EPHA6: variants seen among roughly 807,000 people sequenced by gnomAD.
EPHA6 encodes the protein EPH receptor A6, also known as ephrin type-A receptor 6.
In EPHA6, 50 loss-of-function variants were observed where a neutral mutation model predicts 112.0. The observed-to-expected ratio is 0.45, with a 90% confidence interval of 0.36 to 0.56. The LOEUF (loss-of-function observed/expected upper bound fraction) is 0.56. Ranked by LOEUF, EPHA6 falls within the 20% of genes least tolerant of loss-of-function variation. The probability of loss-of-function intolerance (pLI) is 0.00; values close to 1 mark genes in which losing one functional copy is unlikely to be tolerated. For missense variants in EPHA6, 1,280 were observed against 1,417.4 expected (o/e 0.90, Z 1.56); for synonymous variants, 529 against 490.7 (o/e 1.08, Z -1.03).
chr3:97,751,447 G>T lies in EPHA6; in HGVS notation c.*2746G>T, dbSNP rs72934127. 3.1e-4 allele frequency among the ~76,000 whole-genome samples: 47 copies of T among 152,064 alleles called. No individual in the cohort carries two copies. The highest frequency in any genetic ancestry group is 1.1e-3 in the African/African-American group (46 of 41,500). The stretch of plus-strand genomic sequence containing the variant: ...AATGGTAAGCATGATAATCTTAAAT[G>T]TAACTTTGAACTTCATTATGGTTAT... On this transcript the variant is annotated 3_prime_UTR_variant, in exon 18 of 18. Transcript: ENST00000389672.
intron 3 of EPHA6, among the ~76,000 whole-genome samples, chr3:97,203,647 A>AAAAAAAC (rs1200758543): frequency 6.6e-6 from 1 of 152,028 alleles, no homozygotes; most frequent in Non-Finnish European, 1.5e-5. Context: ...GGGAAAAAAC[A>AAAAAAAC]AAAAAACAGT....
intron 1 of EPHA6, among the ~76,000 whole-genome samples, chr3:96,818,455 C>T (rs1448244644): frequency 6.6e-6 from 1 of 151,848 alleles, no homozygotes; most frequent in Non-Finnish European, 1.5e-5. Context: ...CGATTTTCCC[C>T]CCAGGCAATT....
intron 6 of EPHA6, among the ~76,000 whole-genome samples, chr3:97,405,936 A>T (rs946407483): frequency 6.6e-6 from 1 of 151,918 alleles, no homozygotes; most frequent in Non-Finnish European, 1.5e-5. Flanking sequence ...TTTTTCTCTC[A>T]TTCCTCACCA....
At chr3:97,633,597 G>A (rs1031188459) in intron 13 of EPHA6, among the ~76,000 whole-genome samples, 1 of 152,022 alleles carries the variant, frequency 6.6e-6, no homozygotes, top group Non-Finnish European at 1.5e-5. Context: ...GCTACATAAA[G>A]GGATAATACT....
Position 97,320,145 on chromosome 3 carries a change from G to A in EPHA6, c.1606+75858G>A, listed in dbSNP as rs1006147907. Among the ~76,000 whole-genome samples, 3 of 151,834 alleles carry A rather than the reference G, an allele frequency of 2.0e-5. No homozygotes were observed. The South Asian group carries it at 6.2e-4, about 32-fold the overall frequency. On this transcript the variant is annotated intron_variant, in intron 5 of 17. Coordinates refer to ENST00000389672, the MANE Select transcript of EPHA6 (RefSeq NM_001080448.3). Reference sequence around the variant, plus strand: ...ACACTGTCAGTATCTATTACTCTCAGTATATAAAATTTTATCTTATTTTAG... The same window carrying A: ...ACACTGTCAGTATCTATTACTCTCAATATATAAAATTTTATCTTATTTTAG...
chr3:97,369,932 T>C (rs550600817), intron 5 of EPHA6, among the ~76,000 whole-genome samples: 46 of 152,286 alleles, frequency 3.0e-4, no homozygotes, highest in African/African-American at 1.0e-3. Flanking sequence ...ATAAAGATGG[T>C]AGCTTTTAAA....
intron 5 of EPHA6, among the ~76,000 whole-genome samples, chr3:97,356,847 T>C (rs1018414669): frequency 2.6e-5 from 4 of 152,140 alleles, no homozygotes; most frequent in Admixed American, 6.5e-5. Flanking sequence ...TTGCCTTTGG[T>C]GTGGTTTTTC....
rs147813358 is a variant in EPHA6, at chr3:97,610,951, G to A, written c.2574+97G>A. On this transcript the variant is annotated intron_variant, in intron 13 of 17. Transcript: ENST00000389672. Reference sequence around the variant, plus strand: ...TTAATTTTTGCATAATGTTATTCATGGATTTTCTGTGAAGAATAGCAGTGT... The same window carrying A: ...TTAATTTTTGCATAATGTTATTCATAGATTTTCTGTGAAGAATAGCAGTGT... 4.3e-4 allele frequency: 443 copies of A among 1,024,836 alleles called. 1 individual carries two copies. The East Asian group carries it at 0.011, about 26-fold the overall frequency. 63.5% of individuals were successfully genotyped at this position (1,024,836 alleles called of 1,614,324 possible).
In EPHA6 at chr3:97,555,087, C is replaced by A. The variant is rs901291016; in HGVS notation, c.2386+22544C>A. Among the ~76,000 whole-genome samples the A allele has an allele frequency of 2.6e-5, 4 of 151,712 alleles. No individual in the cohort carries two copies. The East Asian group carries it at 5.8e-4, about 22-fold the overall frequency. On this transcript the variant is annotated intron_variant, in intron 11 of 17. Coordinates refer to ENST00000389672, the MANE Select transcript of EPHA6 (RefSeq NM_001080448.3). ...TAATGGAATCCCTCCCCCTTCCCCC[C>A]ACCCCACAACAGTCCCCAGAGTGTG...
At chr3:96,856,567 G>C (rs1300761485) in intron 1 of EPHA6, among the ~76,000 whole-genome samples, 1 of 152,110 alleles carries the variant, frequency 6.6e-6, no homozygotes, top group Non-Finnish European at 1.5e-5. Context: ...TTTGCAAATA[G>C]TGTCTTAAAT....
chr3:97,084,975 C>G (rs940337601), intron 3 of EPHA6, among the ~76,000 whole-genome samples: 1 of 152,038 alleles, frequency 6.6e-6, no homozygotes, highest in Admixed American at 6.6e-5. Context: ...ATATTTATTA[C>G]ATAGTTTGAT....
At chr3:97,644,979 A>G (rs1268522032) in intron 14 of EPHA6, among the ~76,000 whole-genome samples, 4 of 151,654 alleles carry the variant, frequency 2.6e-5, no homozygotes, top group Admixed American at 2.6e-4. Context: ...GCAGAGACAC[A>G]ACCAAAAAAG....
At position 96,987,993 on chromosome 3, in the gene EPHA6, G is replaced by T; in HGVS notation, c.1114G>T (p.Ala372Ser). The T allele has an allele frequency of 6.5e-7, 1 of 1,527,438 alleles. No individual in the cohort carries two copies. Among genetic ancestry groups the T allele is most frequent in the South Asian group, 1.3e-5 (1 of 77,106 alleles). The allele number at this position is 1,527,438 out of a possible 1,614,324, so 94.6% of individuals were successfully genotyped here. ...GYEEIEGSCH[A>S]CRPGFYKAFA... is the part of the protein sequence containing the mutation. ...TGAAGAAATTGAGGGTTCTTGCCAT[G>T]GTAAGAAACAAACATTTAAATAATT... Residue 372 changes from alanine (A) to serine (S), a missense_variant and splice_region_variant, in exon 3 of 18, where the codon GCT becomes TCT. By Grantham distance (99) the Ala-to-Ser change is moderately conservative (BLOSUM62 1). Around this residue, in one of 4 missense-constraint regions of EPHA6, gnomAD observed 878 missense variants for 999.7 expected, o/e 0.88. Coordinates refer to ENST00000389672, the MANE Select transcript of EPHA6 (RefSeq NM_001080448.3).
intron 2 of EPHA6, among the ~76,000 whole-genome samples, chr3:96,973,105 A>G (rs2042380502): frequency 1.3e-5 from 2 of 152,206 alleles, no homozygotes; most frequent in Non-Finnish European, 2.9e-5. Context: ...CCCAAAAGGA[A>G]TCTGGTTTTT....
chr3:97,526,894 A>G (rs961252632), intron 10 of EPHA6, among the ~76,000 whole-genome samples: 1 of 149,478 alleles, frequency 6.7e-6, no homozygotes, highest in South Asian at 2.1e-4. Flanking sequence ...CTTATTATGG[A>G]TGGGATTACT....
chr3:97,587,171 AG>A (rs1400156055), intron 11 of EPHA6, among the ~76,000 whole-genome samples: 1 of 151,744 alleles, frequency 6.6e-6, no homozygotes, highest in Non-Finnish European at 1.5e-5. Flanking sequence ...TGAACCCGGG[AG>A]GCAGAATGGC....
intron 12 of EPHA6, among the ~76,000 whole-genome samples, chr3:97,598,601 A>T (rs990146186): frequency 2.0e-5 from 3 of 151,804 alleles, no homozygotes; most frequent in South Asian, 4.2e-4. Flanking sequence ...GAACTCATCA[A>T]TTTTTCTGGC....
At chr3:97,437,338 A>G (rs2089904307) in intron 6 of EPHA6, among the ~76,000 whole-genome samples, 1 of 152,172 alleles carries the variant, frequency 6.6e-6, no homozygotes, top group African/African-American at 2.4e-5. Flanking sequence ...TCAAAGGACC[A>G]TGCACATGTT....
intron 2 of EPHA6, among the ~76,000 whole-genome samples, chr3:96,966,100 G>A (rs991717088): frequency 6.6e-6 from 1 of 151,842 alleles, no homozygotes; most frequent in Non-Finnish European, 1.5e-5. Context: ...GAATAAATTA[G>A]GTATTCTTGA....
Sources: gnomAD v4.1 joint callset for allele counts (sites outside exome capture counted in the v4.1 genomes callset) on GRCh38, gnomAD v4.1.1 for gene constraint, gnomAD v4.1.1 regional missense constraint, MANE v1.5 for transcripts, NCBI Gene and HGNC (gene_info 2026-07-23, HGNC 2026-07-21) for gene names.